The following PKD1L1 variants were observed in gnomAD, a reference collection of about 807,000 sequenced individuals.
PKD1L1 encodes the protein polycystin-1-like protein 1.
A neutral mutation model predicts 323.4 loss-of-function variants in PKD1L1; 236 were observed. That is an observed-to-expected ratio of 0.73 (90% confidence interval 0.66 to 0.81). The LOEUF is 0.81. Ranked by LOEUF, PKD1L1 falls within the 40% of genes least tolerant of loss-of-function variation. PKD1L1 has a pLI of 0.00. For missense variants in PKD1L1, 3,320 were observed against 3,508.0 expected (o/e 0.95, Z 1.35); for synonymous variants, 1,344 against 1,335.0 (o/e 1.01, Z -0.15).
rs541446309 is a variant in PKD1L1 at position 47,918,116 on chromosome 7, A to G, written c.1061-2517T>C. ...TCACCTAACACATAAGGACTCGCAC[A>G]GACTTAAGGTAAAGTGGTAGAAAAA... On this transcript the variant is annotated intron_variant, in intron 7 of 56. Coordinates refer to ENST00000289672, the MANE Select transcript of PKD1L1 (RefSeq NM_138295.5). Among the ~76,000 whole-genome samples the G allele has an allele frequency of 2.6e-5, 4 of 152,334 alleles. No homozygotes were observed. In the South Asian group the frequency reaches 8.3e-4, roughly 32 times the overall value.
upstream of PKD1L1, among the ~76,000 whole-genome samples, chr7:47,948,743 A>T (rs1788152652): frequency 6.6e-6 from 1 of 152,160 alleles, no homozygotes; most frequent in Non-Finnish European, 1.5e-5. Flanking sequence ...GGATCACTTG[A>T]GGCCAGAAGT....
Position 47,893,877 on chromosome 7 carries a change from C to T in PKD1L1, c.2453+1G>A, listed in dbSNP as rs1786877657. On this transcript the variant is annotated splice_donor_variant, in intron 15 of 56. Transcript: ENST00000289672. LOFTEE classifies it high-confidence loss of function. ...CAGCTCTGTGTGGGGGTGGTGCTCA[C>T]CTGAGAGTCGCCCCAGGGTCGTCAG... 6.2e-7 allele frequency: 1 copy of T among 1,612,444 alleles called. No homozygotes were observed.
At chr7:47,889,292 T>C (rs184130181) in intron 16 of PKD1L1, among the ~76,000 whole-genome samples, 95 of 152,334 alleles carry the variant, frequency 6.2e-4, no homozygotes, top group African/African-American at 2.1e-3. Context: ...TAAAATAAAT[T>C]CTGTAATTAT....
intron 8 of PKD1L1, among the ~76,000 whole-genome samples, chr7:47,911,117 G>GTCTCAAAAAAA (rs1787313591): frequency 6.6e-6 from 1 of 152,186 alleles, no homozygotes; most frequent in African/African-American, 2.4e-5. Flanking sequence ...GAGGTGACTG[G>GTCTCAAAAAAA]ATGATGGGAG....
rs1230117351 is a variant in PKD1L1 at position 47,915,297 on chromosome 7, C to T, written c.1228+135G>A. The T allele has an allele frequency of 6.9e-6, 4 of 579,002 alleles. No homozygotes were observed. In the South Asian group the frequency reaches 8.8e-5, roughly 13 times the overall value. 35.9% of individuals were successfully genotyped at this position (579,002 alleles called of 1,614,324 possible). A position where few individuals can be genotyped will look rare whatever the true frequency, so the allele number is the denominator to read the frequency against. On this transcript the variant is annotated intron_variant, in intron 8 of 56. Coordinates refer to ENST00000289672, the MANE Select transcript of PKD1L1 (RefSeq NM_138295.5). ...TATAAATTAACCTAACAATGCCACA[C>T]ACAGGACACCGTAGCCCATAGAGTG...
At chr7:47,856,985 TC>T (rs1164345901) in intron 28 of PKD1L1, among the ~76,000 whole-genome samples, 2 of 152,182 alleles carry the variant, frequency 1.3e-5, no homozygotes, top group Admixed American at 1.3e-4. Context: ...TCACAAAGCT[TC>T]CGAGTGAATG....
At chr7:47,816,064 T>G (rs1208250518) in intron 46 of PKD1L1, among the ~76,000 whole-genome samples, 1 of 152,200 alleles carries the variant, frequency 6.6e-6, no homozygotes, top group Middle Eastern at 3.4e-3. Flanking sequence ...ACAGGGCTGG[T>G]GCAGAGGGAG....
intron 7 of PKD1L1, among the ~76,000 whole-genome samples, chr7:47,919,902 C>T (rs976118839): frequency 7.2e-5 from 11 of 152,246 alleles, no homozygotes; most frequent in African/African-American, 2.4e-4. Context: ...AGACCCACAG[C>T]CAACATAATA....
rs940190218 is a variant in PKD1L1, at chr7:47,792,621, T to G, written c.8526+6A>C. ...AATTGACATAAATAATTTTGCATGG[T>G]CTTACCTCAGCAGCTTGGTAACTAG... is the stretch of plus-strand genomic sequence containing the variant. On this transcript the variant is annotated splice_donor_region_variant and intron_variant, in intron 56 of 56. Coordinates refer to ENST00000289672, the MANE Select transcript of PKD1L1 (RefSeq NM_138295.5). 6.2e-7 allele frequency: 1 copy of G among 1,608,494 alleles called. No homozygotes were observed. The highest frequency in any genetic ancestry group is 8.5e-7 in the Non-Finnish European group (1 of 1,176,502).
At chr7:47,781,486 G>A (rs1216449991) in intron 56 of PKD1L1, among the ~76,000 whole-genome samples, 1 of 144,726 alleles carries the variant, frequency 6.9e-6, no homozygotes, top group East Asian at 2.0e-4. Context: ...TTGGCTCACT[G>A]CAAGCTCCGC....
In PKD1L1 at chr7:47,904,624, G is replaced by C. The variant is rs371788679; in HGVS notation, c.1692-7C>G. 22 of 1,606,446 alleles carry C rather than the reference G, an allele frequency of 1.4e-5. No homozygotes were observed. In the African/African-American group the frequency reaches 2.9e-4, roughly 21 times the overall value. ...CTTAACCATCACACGATACCTGCAG[G>C]ATGGGGAAAGGAGGGCAGGGAAGGC... On this transcript the variant is annotated splice_polypyrimidine_tract_variant and splice_region_variant and intron_variant, in intron 11 of 56. Transcript: ENST00000289672.
intron 54 of PKD1L1, among the ~76,000 whole-genome samples, chr7:47,797,236 C>T (rs955282738): frequency 4.6e-5 from 7 of 152,206 alleles, no homozygotes; most frequent in Non-Finnish European, 8.8e-5. Flanking sequence ...ATCGCCCTTG[C>T]TCTTCTTCCT....
At position 47,853,144 on chromosome 7, in the gene PKD1L1, G is replaced by A; in HGVS notation, c.4943C>T (p.Pro1648Leu). ...TCACTGACCTTTCTGAGAAGCAGCA[G>A]GTATATAAATCTGCACAATTGACTC... ...WDESIVQIYI[P>L]AASQKDASVG... Residue 1648 changes from proline (P) to leucine (L), a missense_variant, in exon 31 of 57, where the codon CCT becomes CTT. By Grantham distance (98) the Pro-to-Leu change is moderately conservative. Transcript: ENST00000289672. The A allele has an allele frequency of 6.2e-7, 1 of 1,612,050 alleles. No individual in the cohort carries two copies. Among genetic ancestry groups the A allele is most frequent in the Non-Finnish European group, 8.5e-7 (1 of 1,178,218 alleles).
chr7:47,889,808 C>T (rs1177310767), intron 16 of PKD1L1, among the ~76,000 whole-genome samples: 1 of 152,184 alleles, frequency 6.6e-6, no homozygotes, highest in Non-Finnish European at 1.5e-5. Context: ...CCCAGCACTG[C>T]TTCCTGGGTG....
chr7:47,827,615 A>G (rs1785264688), intron 44 of PKD1L1, 147 bp from the exon 45 acceptor site: 1 of 625,886 alleles, frequency 1.6e-6, no homozygotes, highest in Non-Finnish European at 2.7e-6. Context: ...TTGTATGGAT[A>G]ACATAGACCA....
intron 27 of PKD1L1, among the ~76,000 whole-genome samples, chr7:47,858,056 T>A (rs939739212): frequency 6.6e-6 from 1 of 152,258 alleles, no homozygotes; most frequent in Middle Eastern, 3.4e-3. Flanking sequence ...TAGGTTCAGA[T>A]AGACTATTTA....
At chr7:47,954,023 TA>T in the PKD1L1 span, among the ~76,000 whole-genome samples, 1 of 152,182 alleles carries the variant, frequency 6.6e-6, no homozygotes, top group Non-Finnish European at 1.5e-5. Context: ...ACTAGTATGG[TA>T]AAAAGTGGTT....
chr7:47,888,329 C>T (rs1023094789), intron 16 of PKD1L1, among the ~76,000 whole-genome samples, 179 bp from the exon 17 acceptor site: 1 of 152,230 alleles, frequency 6.6e-6, no homozygotes, highest in African/African-American at 2.4e-5. Context: ...GTGCCAAGCT[C>T]GACACTCACG....
intron 32 of PKD1L1, among the ~76,000 whole-genome samples, chr7:47,846,380 C>T (rs1785665283): frequency 6.6e-6 from 1 of 152,300 alleles, no homozygotes; most frequent in African/African-American, 2.4e-5. Flanking sequence ...TGCGCAGAGA[C>T]TTTTCTTGCC....
Sources: gnomAD v4.1 joint callset for allele counts (sites outside exome capture counted in the v4.1 genomes callset) on GRCh38, gnomAD v4.1.1 for gene constraint, MANE v1.5 for transcripts, NCBI Gene and HGNC (gene_info 2026-07-23, HGNC 2026-07-21) for gene names.